CAMTA1: variants seen among roughly 807,000 people sequenced by gnomAD.
CAMTA1 encodes calmodulin binding transcription activator 1, also known as calmodulin-binding transcription activator 1.
CAMTA1 carries 27 observed loss-of-function variants against 170.9 expected under a neutral mutation model. The ratio of observed to expected loss-of-function variants is 0.16; its 90% CI spans 0.12 to 0.22. CAMTA1 has a LOEUF of 0.22. Ranked by LOEUF, CAMTA1 falls within the 10% of genes least tolerant of loss-of-function variation. The pLI is 1.00. For missense variants in CAMTA1, 1,619 were observed against 2,217.2 expected, an observed-to-expected ratio of 0.73 and a Z score of 5.42; for synonymous variants, 833 against 891.5, an observed-to-expected ratio of 0.93 and a Z score of 1.17.
At chr1:7,518,382 C>A (rs2094315748) in intron 6 of CAMTA1, among the ~76,000 whole-genome samples, 2 of 151,892 alleles carry the variant, frequency 1.3e-5, no homozygotes, top group African/African-American at 4.9e-5. Context: ...TGACCCCTAT[C>A]CACATCAACT....
At chr1:7,436,010 A>G (rs1335997352) in intron 5 of CAMTA1, among the ~76,000 whole-genome samples, 1 of 152,152 alleles carries the variant, frequency 6.6e-6, no homozygotes. Flanking sequence ...AACCAGCCCA[A>G]TTTGCAAGCA....
At chr1:7,362,249 G>A (rs1258571224) in intron 5 of CAMTA1, among the ~76,000 whole-genome samples, 1 of 152,230 alleles carries the variant, frequency 6.6e-6, no homozygotes, top group African/African-American at 2.4e-5. Context: ...CAGAGTTGGT[G>A]GACTTGGGTA....
chr1:7,298,336 A>AG (rs33989444), intron 5 of CAMTA1, among the ~76,000 whole-genome samples: 152,273 of 152,274 alleles, frequency 1, 76,136 homozygotes, highest in Non-Finnish European at 1. Context: ...CCCACCCCGC[A>AG]GGTCTTTTCC....
chr1:7,130,280 A>G (rs570398967), intron 4 of CAMTA1, among the ~76,000 whole-genome samples: 1 of 152,248 alleles, frequency 6.6e-6, no homozygotes, highest in East Asian at 1.9e-4. Context: ...TTTGAGGTTC[A>G]TACATATTGT....
intron 3 of CAMTA1, among the ~76,000 whole-genome samples, chr1:7,075,477 G>A (rs1558060373): frequency 6.6e-6 from 1 of 152,112 alleles, no homozygotes; most frequent in Non-Finnish European, 1.5e-5. Flanking sequence ...ACAAACTGCA[G>A]AAGTCAAATT....
At chr1:7,741,693 G>A (rs1285909173) in intron 16 of CAMTA1, among the ~76,000 whole-genome samples, 1 of 151,626 alleles carries the variant, frequency 6.6e-6, no homozygotes, top group Non-Finnish European at 1.5e-5. Context: ...TCAGGAGTTC[G>A]AGACCAGCCT....
chr1:7,290,518 A>G (rs886302593), intron 5 of CAMTA1, among the ~76,000 whole-genome samples: 9 of 152,126 alleles, frequency 5.9e-5, no homozygotes, highest in Admixed American at 4.6e-4. Context: ...AGAAAGTTCC[A>G]TACCTCTGGG....
At position 7,431,829 on chromosome 1, in the gene CAMTA1, C is replaced by G. The variant is rs181119107; in HGVS notation, c.439-36001C>G. ...CTAAGGCTTTTCTGATGCCTAAGCC[C>G]CTGGAGACCACCCTTACCTCCTCCT... is the stretch of plus-strand genomic sequence containing the variant. On this transcript the variant is annotated intron_variant, in intron 5 of 22. Coordinates refer to ENST00000303635, the MANE Select transcript of CAMTA1 (RefSeq NM_015215.4). 2.6e-5 allele frequency among the ~76,000 whole-genome samples: 4 copies of G among 152,324 alleles called. No homozygotes were observed. The East Asian group carries it at 7.7e-4, about 29-fold the overall frequency.
In CAMTA1 at chr1:7,272,692, C is replaced by CAAAAAAAAAAAAAAAAAAA. The variant is rs371588178; in HGVS notation, c.438+23072_438+23090dup. 1.1e-3 allele frequency among the ~76,000 whole-genome samples: 44 copies of CAAAAAAAAAAAAAAAAAAA among 38,812 alleles called. 2 individuals are homozygous for CAAAAAAAAAAAAAAAAAAA. Among genetic ancestry groups the CAAAAAAAAAAAAAAAAAAA allele is most frequent in the African/African-American group, 2.4e-3 (26 of 10,758 alleles). 25.5% of individuals were successfully genotyped at this position (38,812 alleles called of 152,430 possible). On this transcript the variant is annotated intron_variant, in intron 5 of 22. Transcript: ENST00000303635. ...TCTGGGGCAACTGGATAAACACATG[C>CAAAAAAAAAAAAAAAAAAA]AAAAAAAAAAAAAAAAAAAAAAAAG...
intron 5 of CAMTA1, among the ~76,000 whole-genome samples, chr1:7,406,467 T>C (rs898033436): frequency 6.6e-6 from 1 of 152,200 alleles, no homozygotes. Flanking sequence ...CTTTTTATAC[T>C]GGACACTCGG....
chr1:7,551,085 T>A (rs1292379478), intron 6 of CAMTA1, among the ~76,000 whole-genome samples: 2 of 152,154 alleles, frequency 1.3e-5, no homozygotes, highest in East Asian at 3.9e-4. Flanking sequence ...GGAGAGCCAG[T>A]GTGACCTTCA....
chr1:6,828,765 C>T (rs552505766), intron 3 of CAMTA1, among the ~76,000 whole-genome samples: 1 of 152,070 alleles, frequency 6.6e-6, no homozygotes, highest in South Asian at 2.1e-4. Flanking sequence ...TAGAGCCTGT[C>T]TCTGAGCTTA....
Position 6,902,039 on chromosome 1 carries a change from T to TCACACACACA in CAMTA1, c.234+76854_234+76863dup, listed in dbSNP as rs536174579. On this transcript the variant is annotated intron_variant, in intron 3 of 22. Coordinates refer to ENST00000303635, the MANE Select transcript of CAMTA1 (RefSeq NM_015215.4). ...CAGCCCGAATGACAAGGTGAGACTG[T>TCACACACACA]CACACACACACACACACACACACAC... Among the ~76,000 whole-genome samples, 42 of 114,364 alleles carry TCACACACACA rather than the reference T, an allele frequency of 3.7e-4. 1 individual carries two copies. The East Asian group carries it at 5.0e-3, about 14-fold the overall frequency. The allele number at this position is 114,364 out of a possible 152,430, so 75.0% of individuals were successfully genotyped here.
rs977778665 is a variant in CAMTA1 at position 7,685,480 on chromosome 1, C to T, written c.2914+7747C>T. ...ATTGTCTTCATTCCACTTGAGGACT[C>T]CCAGCCCCTGTGTCCCCATTGATGG... On this transcript the variant is annotated intron_variant, in intron 11 of 22. Transcript: ENST00000303635. The surrounding 1 kb of genome is among the most constrained non-coding windows in gnomAD (Gnocchi z 5.7). Among the ~76,000 whole-genome samples, 3 of 152,220 alleles carry T rather than the reference C, an allele frequency of 2.0e-5. No homozygotes were observed. Among genetic ancestry groups the T allele is most frequent in the African/African-American group, 7.2e-5 (3 of 41,450 alleles).
intron 6 of CAMTA1, among the ~76,000 whole-genome samples, chr1:7,573,245 C>A (rs941747566): frequency 2.0e-5 from 3 of 152,160 alleles, no homozygotes; most frequent in African/African-American, 7.2e-5. Flanking sequence ...ACCCCTTGCA[C>A]CTTTGCAGCT....
intron 3 of CAMTA1, among the ~76,000 whole-genome samples, chr1:6,955,728 T>G (rs1689342722): frequency 6.6e-6 from 1 of 152,106 alleles, no homozygotes; most frequent in Non-Finnish European, 1.5e-5. Flanking sequence ...AACACGTGTC[T>G]AGCTGAGCCC....
At chr1:7,757,009 C>T (rs2096936215) in intron 22 of CAMTA1, among the ~76,000 whole-genome samples, 1 of 152,050 alleles carries the variant, frequency 6.6e-6, no homozygotes, top group South Asian at 2.1e-4. Context: ...TCTCTATCAA[C>T]TCAACTATAT....
intron 3 of CAMTA1, among the ~76,000 whole-genome samples, chr1:6,954,771 C>T (rs1054518296): frequency 2.6e-5 from 4 of 152,124 alleles, no homozygotes; most frequent in Admixed American, 1.3e-4. Context: ...GTGGGAGCCA[C>T]GCAGGCAGGC....
chr1:7,160,782 C>T (rs949398218), intron 4 of CAMTA1, among the ~76,000 whole-genome samples: 1 of 152,222 alleles, frequency 6.6e-6, no homozygotes, highest in Non-Finnish European at 1.5e-5. Context: ...CTGACCACTT[C>T]CCCTTGGATT....
Sources: gnomAD v4.1 joint callset for allele counts (sites outside exome capture counted in the v4.1 genomes callset) on GRCh38, gnomAD v4.1.1 for gene constraint, Gnocchi (gnomAD v3.1) non-coding constraint, MANE v1.5 for transcripts, NCBI Gene and HGNC (gene_info 2026-07-23, HGNC 2026-07-21) for gene names.